The following CNTN5 variants were observed in gnomAD, a reference collection of about 807,000 sequenced individuals.
CNTN5 encodes the protein contactin 5, also known as contactin-5.
Under a neutral mutation model 129.1 loss-of-function variants are expected in CNTN5, and 77 were observed. That is an observed-to-expected ratio of 0.60 (90% CI 0.50 to 0.72). The LOEUF is 0.72. Ranked by LOEUF, CNTN5 falls within the 30% of genes least tolerant of loss-of-function variation. CNTN5 has a pLI of 0.00. For synonymous variants in CNTN5, 509 were observed against 465.6 expected (o/e 1.09, Z -1.20); for missense variants, 1,478 against 1,328.8 (o/e 1.11, Z -1.75).
intron 6 of CNTN5, among the ~76,000 whole-genome samples, chr11:99,864,284 TAGTAATACTAAC>T (rs71945057): frequency 0.15 from 23,538 of 151,948 alleles, 1,999 homozygotes; most frequent in South Asian, 0.19. Context: ...TACTATCCTG[TAGTAATACTAAC>T]AGTAATACTA....
chr11:99,393,778 T>C (rs1253631857), intron 2 of CNTN5, among the ~76,000 whole-genome samples: 1 of 151,698 alleles, frequency 6.6e-6, no homozygotes, highest in East Asian at 1.9e-4. Flanking sequence ...TCTTTGAAAT[T>C]ATACAAGCTT....
chr11:99,638,244 C>T (rs7111847), intron 3 of CNTN5, among the ~76,000 whole-genome samples: 1 of 152,160 alleles, frequency 6.6e-6, no homozygotes, highest in Non-Finnish European at 1.5e-5. Context: ...GACTTACTAT[C>T]ATGAGACTAG....
At chr11:100,000,206 C>G (rs970457714) in intron 8 of CNTN5, among the ~76,000 whole-genome samples, 1 of 151,958 alleles carries the variant, frequency 6.6e-6, no homozygotes, top group South Asian at 2.1e-4. Context: ...AGTCCAAAGT[C>G]TCATTTGAGA....
At chr11:100,253,762 G>C (rs935084622) in intron 16 of CNTN5, among the ~76,000 whole-genome samples, 1 of 152,006 alleles carries the variant, frequency 6.6e-6, no homozygotes, top group African/African-American at 2.4e-5. Flanking sequence ...GATATTGGGT[G>C]ATGCAATAGA....
chr11:100,275,136 G>T (rs953281973), intron 18 of CNTN5, among the ~76,000 whole-genome samples: 5 of 151,668 alleles, frequency 3.3e-5, no homozygotes, highest in African/African-American at 1.2e-4. Flanking sequence ...GTTGGAAAAG[G>T]TTCATCCACA....
chr11:99,897,188 A>C (rs1383285243), intron 6 of CNTN5, among the ~76,000 whole-genome samples: 2 of 152,222 alleles, frequency 1.3e-5, no homozygotes, highest in Admixed American at 1.3e-4. Context: ...AAGTTATTGG[A>C]ATTCCTAAGA....
At chr11:99,690,874 C>A (rs1954012890) in intron 3 of CNTN5, among the ~76,000 whole-genome samples, 1 of 152,062 alleles carries the variant, frequency 6.6e-6, no homozygotes, top group Non-Finnish European at 1.5e-5. Context: ...ATTCAGCTCT[C>A]AGCCTGTCTG....
intron 6 of CNTN5, among the ~76,000 whole-genome samples, chr11:99,871,520 A>G (rs1210674873): frequency 6.6e-6 from 1 of 152,070 alleles, no homozygotes; most frequent in East Asian, 1.9e-4. Flanking sequence ...GATAACAAAC[A>G]CAAAGGCAGT....
In CNTN5 at chr11:100,356,340, T is replaced by C. The variant is rs1321762151; in HGVS notation, c.*120T>C. On this transcript the variant is annotated 3_prime_UTR_variant, in exon 25 of 25. Coordinates refer to ENST00000524871, the MANE Select transcript of CNTN5 (RefSeq NM_014361.4). ...CTTGAGCTTTAAAAACTTGGGACTA[T>C]ACATGGTGAACTTACAGGAGGTTAG... The C allele has an allele frequency of 7.0e-6, 5 of 712,966 alleles. No individual in the cohort carries two copies. In the East Asian group the frequency reaches 1.3e-4, roughly 19 times the overall value. 44.2% of individuals were successfully genotyped at this position (712,966 alleles called of 1,614,324 possible).
intron 1 of CNTN5, among the ~76,000 whole-genome samples, chr11:99,152,357 T>C (rs541571038): frequency 6.6e-5 from 10 of 152,336 alleles, no homozygotes; most frequent in Non-Finnish European, 1.2e-4. Context: ...ATCTTTGTTG[T>C]CTCCATTTAA....
intron 3 of CNTN5, among the ~76,000 whole-genome samples, chr11:99,577,997 G>T (rs1949419593): frequency 9.1e-6 from 1 of 109,828 alleles, no homozygotes; most frequent in Admixed American, 1.1e-4. Flanking sequence ...CCCCACAACA[G>T]TCCCTGGTGT....
chr11:99,189,313 T>C (rs1858514203), intron 1 of CNTN5, among the ~76,000 whole-genome samples: 1 of 151,660 alleles, frequency 6.6e-6, no homozygotes. Context: ...CTTAGGCTCT[T>C]TCCATATCTT....
chr11:100,044,118 G>A (rs913990190), intron 9 of CNTN5, among the ~76,000 whole-genome samples: 26 of 121,924 alleles, frequency 2.1e-4, no homozygotes, highest in African/African-American at 5.2e-4. Flanking sequence ...ACACACACAC[G>A]TATAGACTTA....
At chr11:100,248,458 A>T (rs544099647) in intron 16 of CNTN5, among the ~76,000 whole-genome samples, 2 of 152,236 alleles carry the variant, frequency 1.3e-5, no homozygotes, top group African/African-American at 4.8e-5. Flanking sequence ...AGGCAGGAGG[A>T]TCGCTTGAGT....
chr11:99,390,141 T>TC (rs398115707), intron 2 of CNTN5, among the ~76,000 whole-genome samples: 1 of 151,858 alleles, frequency 6.6e-6, no homozygotes, highest in Admixed American at 6.6e-5. Flanking sequence ...CTTTTTTTTT[T>TC]GTCAGGGTCT....
At chr11:99,275,053 A>G (rs1027445445) in intron 1 of CNTN5, among the ~76,000 whole-genome samples, 1 of 151,464 alleles carries the variant, frequency 6.6e-6, no homozygotes, top group African/African-American at 2.4e-5. Context: ...ACATGAATAT[A>G]TATCTATAAA....
chr11:99,186,425 T>C (rs564255212), intron 1 of CNTN5, among the ~76,000 whole-genome samples: 17 of 146,992 alleles, frequency 1.2e-4, no homozygotes, highest in Admixed American at 6.0e-4. Flanking sequence ...TGTGGTTGCA[T>C]TTTAAAAATA....
At chr11:99,418,366 A>C (rs1024583934) in intron 2 of CNTN5, among the ~76,000 whole-genome samples, 5 of 152,130 alleles carry the variant, frequency 3.3e-5, no homozygotes, top group Non-Finnish European at 7.4e-5. Flanking sequence ...CATTTCTTTA[A>C]CTAGATCCAT....
intron 3 of CNTN5, among the ~76,000 whole-genome samples, chr11:99,600,764 T>C (rs1337826833): frequency 3.7e-3 from 2 of 544 alleles, no homozygotes; most frequent in Non-Finnish European, 0.04. Context: ...TCTCCTTTCT[T>C]TTTTTCACCT....
Sources: allele counts gnomAD v4.1 joint callset (sites outside exome capture counted in the v4.1 genomes callset), GRCh38; gene constraint gnomAD v4.1.1; transcripts MANE v1.5; gene names NCBI Gene and HGNC (gene_info 2026-07-23, HGNC 2026-07-21).